The following RERG variants were observed in gnomAD, a reference collection of about 807,000 sequenced individuals.
RERG encodes ras-related and estrogen-regulated growth inhibitor.
Under a neutral mutation model 23.2 loss-of-function variants are expected in RERG, and 25 were observed. That is an observed-to-expected ratio of 1.08 (90% CI 0.79 to 1.50). The LOEUF (loss-of-function observed/expected upper bound fraction) is 1.50, where lower values mean the gene tolerates loss of function less well. Among genes scored for constraint, RERG ranks in the 40% most tolerant of loss-of-function variants. The pLI is 0.00. For synonymous variants in RERG, 81 were observed against 89.1 expected, an observed-to-expected ratio of 0.91 and a Z score of 0.51; for missense variants, 253 against 250.1, an observed-to-expected ratio of 1.01 and a Z score of -0.08.
At chr12:15,208,656 C>T (rs1266049077) in intron 2 of RERG, among the ~76,000 whole-genome samples, 2 of 151,946 alleles carry the variant, frequency 1.3e-5, no homozygotes, top group Non-Finnish European at 2.9e-5. Flanking sequence ...AAAATTGGTG[C>T]TCAACAGATA....
chr12:15,160,961 C>A (rs1408589485), intron 2 of RERG, among the ~76,000 whole-genome samples: 1 of 151,886 alleles, frequency 6.6e-6, no homozygotes, highest in Non-Finnish European at 1.5e-5. Context: ...ATGGTGAAAC[C>A]CCGTCTCTAC....
intron 2 of RERG, among the ~76,000 whole-genome samples, chr12:15,203,423 C>T (rs1376678794): frequency 1.3e-5 from 2 of 151,514 alleles, no homozygotes; most frequent in African/African-American, 2.4e-5. Context: ...AAGGAATGTG[C>T]CTCAGTGTAA....
intron 2 of RERG, among the ~76,000 whole-genome samples, chr12:15,181,406 G>C (rs1864921001): frequency 6.6e-6 from 1 of 152,176 alleles, no homozygotes; most frequent in Non-Finnish European, 1.5e-5. Flanking sequence ...CATCAAGATT[G>C]CTAATGGCTG....
chr12:15,217,151 T>A, intron 2 of RERG: 1 of 342,916 alleles, frequency 2.9e-6, no homozygotes, highest in South Asian at 7.3e-5. Context: ...ATCATCTGAT[T>A]TCTTTGGAGG....
intron 3 of RERG, among the ~76,000 whole-genome samples, chr12:15,117,984 C>T (rs190005024): frequency 1.4e-4 from 21 of 152,168 alleles, no homozygotes; most frequent in Admixed American, 1.2e-3. Context: ...AAGATTTCAC[C>T]GATCCACAGT....
chr12:15,214,267 T>A (rs1444948842), intron 2 of RERG, among the ~76,000 whole-genome samples: 1 of 152,212 alleles, frequency 6.6e-6, no homozygotes, highest in Non-Finnish European at 1.5e-5. Context: ...TGAGATGCTA[T>A]TATATGTTCT....
chr12:15,156,369 T>G (rs1271227548), intron 2 of RERG, among the ~76,000 whole-genome samples: 1 of 152,206 alleles, frequency 6.6e-6, no homozygotes, highest in Non-Finnish European at 1.5e-5. Context: ...GTGGACCCTT[T>G]GCTGGATCTG....
At chr12:15,125,591 A>T (rs1591637354) in intron 2 of RERG, among the ~76,000 whole-genome samples, 1 of 152,048 alleles carries the variant, frequency 6.6e-6, no homozygotes, top group Non-Finnish European at 1.5e-5. Context: ...AATCAACACT[A>T]AATTGTTTTC....
At chr12:15,137,892 T>C (rs1434081042) in intron 2 of RERG, 2 of 449,126 alleles carry the variant, frequency 4.5e-6, no homozygotes, top group Admixed American at 4.8e-5. Context: ...GTTTCTGAGA[T>C]GTATCATTCT....
intron 2 of RERG, among the ~76,000 whole-genome samples, chr12:15,175,864 T>A (rs1180254893): frequency 3.3e-5 from 5 of 152,158 alleles, no homozygotes; most frequent in Non-Finnish European, 7.4e-5. Flanking sequence ...GCTGCATGGC[T>A]GCTGTTTTTC....
intron 2 of RERG, chr12:15,216,958 G>A (rs1865448016): frequency 6.5e-6 from 1 of 152,830 alleles, no homozygotes; most frequent in South Asian, 2.1e-4. Context: ...GGATTTTTGA[G>A]TGTTTGGCAA....
chr12:15,214,591 T>C (rs1865415308), intron 2 of RERG, among the ~76,000 whole-genome samples: 1 of 152,172 alleles, frequency 6.6e-6, no homozygotes, highest in Non-Finnish European at 1.5e-5. Context: ...GAAAGATAAA[T>C]GTGTGATACA....
intron 3 of RERG, among the ~76,000 whole-genome samples, chr12:15,116,275 G>T (rs1045213047): frequency 6.6e-6 from 1 of 152,168 alleles, no homozygotes; most frequent in Admixed American, 6.5e-5. Flanking sequence ...AGTGTCCTTT[G>T]TACCGACTTC....
At chr12:15,144,815 A>C (rs775553499) in intron 2 of RERG, among the ~76,000 whole-genome samples, 1 of 152,214 alleles carries the variant, frequency 6.6e-6, no homozygotes, top group Non-Finnish European at 1.5e-5. Flanking sequence ...AACACTGTGA[A>C]TCACACAAAT....
chr12:15,192,588 G>GAA (rs1251013182), intron 2 of RERG, among the ~76,000 whole-genome samples: 1 of 152,140 alleles, frequency 6.6e-6, no homozygotes, highest in Non-Finnish European at 1.5e-5. Flanking sequence ...TCAAGACTAA[G>GAA]AAATTAATAT....
chr12:15,191,644 T>A (rs1016002120), intron 2 of RERG, among the ~76,000 whole-genome samples: 1 of 152,192 alleles, frequency 6.6e-6, no homozygotes, highest in African/African-American at 2.4e-5. Flanking sequence ...TTCTTCATTT[T>A]ACAAAGGTTC....
intron 2 of RERG, among the ~76,000 whole-genome samples, chr12:15,170,201 T>C (rs1476525203): frequency 6.6e-6 from 1 of 152,134 alleles, no homozygotes; most frequent in East Asian, 1.9e-4. Context: ...TTGAGTTATT[T>C]TAAAATAAAT....
intron 2 of RERG, among the ~76,000 whole-genome samples, chr12:15,161,170 G>GAAAGAAAGAAAGAAAT (rs1477069856): frequency 7.5e-6 from 1 of 133,060 alleles, no homozygotes; most frequent in Non-Finnish European, 1.6e-5. Context: ...AAGAAAGAAA[G>GAAAGAAAGAAAGAAAT]AAAGAAAGAA....
At position 15,170,665 on chromosome 12, in the gene RERG, C is replaced by T. The variant is rs2136121570; in HGVS notation, c.61+46764G>A. ...AGAACATGCAAAGGGCAGCCGAGCT[C>T]GAGGAAGCCTGCAGAGTTCTGCAGT... On this transcript the variant is annotated intron_variant, in intron 2 of 4. Coordinates refer to ENST00000256953, the MANE Select transcript of RERG (RefSeq NM_032918.3). Among the ~76,000 whole-genome samples the T allele has an allele frequency of 1.3e-5, 2 of 152,188 alleles. 1 individual carries two copies. Among genetic ancestry groups the T allele is most frequent in the Middle Eastern group, 6.8e-3 (2 of 294 alleles).
Sources: allele counts gnomAD v4.1 joint callset (sites outside exome capture counted in the v4.1 genomes callset), GRCh38; gene constraint gnomAD v4.1.1; transcripts MANE v1.5; gene names NCBI Gene and HGNC (gene_info 2026-07-23, HGNC 2026-07-21).